KTN1: variants seen among roughly 807,000 people sequenced by gnomAD.
KTN1 encodes the protein kinectin 1.
In KTN1, 130 loss-of-function variants were observed where a neutral mutation model predicts 222.5. That is an observed-to-expected ratio of 0.58 (90% CI 0.51 to 0.68). KTN1 has a LOEUF of 0.68. Ranked by LOEUF, KTN1 falls within the 30% of genes least tolerant of loss-of-function variation. The pLI, the probability that KTN1 is intolerant of heterozygous loss-of-function variation, is 0.00. For synonymous variants in KTN1, 512 were observed against 496.3 expected (o/e 1.03, Z -0.42); for missense variants, 1,508 against 1,500.4 (o/e 1.01, Z -0.08).
At chr14:55,623,623 G>C (rs11626238) in intron 5 of KTN1, among the ~76,000 whole-genome samples, 6,542 of 152,256 alleles carry the variant, frequency 0.043, 212 homozygotes, top group Non-Finnish European at 0.066. Flanking sequence ...GTCCTGCCTT[G>C]GCCTCCCAAA....
At chr14:55,646,490 C>CT (rs1348857040) in intron 18 of KTN1, among the ~76,000 whole-genome samples, 24 of 89,262 alleles carry the variant, frequency 2.7e-4, no homozygotes, top group African/African-American at 1.2e-3. Context: ...CTTTCCTTTC[C>CT]TTTCCTTTCC....
intron 21 of KTN1, 127 bp downstream of exon 21, chr14:55,648,997 C>T (rs935210563): frequency 6.1e-6 from 4 of 650,630 alleles, no homozygotes; most frequent in East Asian, 5.6e-5. Flanking sequence ...ACAATCATAA[C>T]TCACCGTAAC....
At chr14:55,663,921 A>G (rs1352390061) in intron 32 of KTN1, 34 bp from the exon 33 acceptor site, 1 of 1,519,776 alleles carries the variant, frequency 6.6e-7, no homozygotes, top group East Asian at 2.3e-5. Context: ...TCAATAATGG[A>G]TAAACTGAAA....
chr14:55,587,631 G>T (rs951145229), intron 1 of KTN1, among the ~76,000 whole-genome samples: 1 of 152,138 alleles, frequency 6.6e-6, no homozygotes, highest in Non-Finnish European at 1.5e-5. Context: ...GGGAAGTCAT[G>T]TTCATTTGAA....
rs746104709 is a variant in KTN1, at chr14:55,630,079, T to G, written c.1203T>G (p.Thr401=). 3 of 1,610,602 alleles carry G rather than the reference T, an allele frequency of 1.9e-6. No individual in the cohort carries two copies. The highest frequency in any genetic ancestry group is 2.5e-6 in the Non-Finnish European group (3 of 1,177,730). The change falls in exon 7 of 44, where the codon ACT becomes ACG. Residue 401 remains threonine (T), a synonymous_variant. Coordinates refer to ENST00000395314, the MANE Select transcript of KTN1 (RefSeq NM_001079521.2). Reference sequence around the variant, plus strand: ...AAATACATGTCAGTTATCAAGAGACTCAACAGATGCAGATGAAGGTATATT... The same window carrying G: ...AAATACATGTCAGTTATCAAGAGACGCAACAGATGCAGATGAAGGTATATT... ...QNKIHVSYQE[T]QQMQMKFQQV...
chr14:55,682,746 A>T (rs958661626), intron 43 of KTN1: 1 of 152,176 alleles, frequency 6.6e-6, no homozygotes, highest in Admixed American at 6.5e-5. Flanking sequence ...AAATCAAGGT[A>T]ATTTGGGTAC....
chr14:55,652,071 T>G, intron 25 of KTN1, 144 bp downstream of exon 25: 19 of 558,978 alleles, frequency 3.4e-5, no homozygotes, highest in Non-Finnish European at 4.1e-5. Context: ...CTAAGGGCCC[T>G]AAGTTTCTTA....
intron 18 of KTN1, among the ~76,000 whole-genome samples, chr14:55,642,682 AT>A (rs756323664): frequency 2.2e-4 from 34 of 152,182 alleles, no homozygotes; most frequent in Non-Finnish European, 3.8e-4. Flanking sequence ...TAAAATTCAC[AT>A]TTATGCAGAT....
intron 29 of KTN1, 55 bp downstream of exon 29, chr14:55,656,187 T>C: frequency 8.0e-7 from 1 of 1,243,580 alleles, no homozygotes; most frequent in Non-Finnish European, 1.1e-6. Flanking sequence ...TTTGCATGCT[T>C]TAAAATAATT....
Position 55,589,348 on chromosome 14 carries a change from G to T in KTN1, c.-31+8994G>T, listed in dbSNP as rs2033654166. ...GCGTCTCGCTCTGTCACCCAGGCTG[G>T]AGTGCAGTGGTACAATCTTGGCTCA... On this transcript the variant is annotated intron_variant, in intron 1 of 43. Coordinates refer to ENST00000395314, the MANE Select transcript of KTN1 (RefSeq NM_001079521.2). Among the ~76,000 whole-genome samples, 3 of 152,082 alleles carry T rather than the reference G, an allele frequency of 2.0e-5. No individual in the cohort carries two copies. The South Asian group carries it at 6.2e-4, about 32-fold the overall frequency.
At chr14:55,673,133 C>G (rs1290233932) in intron 39 of KTN1, 39 bp from the exon 40 acceptor site, 1 of 1,547,128 alleles carries the variant, frequency 6.5e-7, no homozygotes, top group East Asian at 2.3e-5. Flanking sequence ...CATGGGCTAT[C>G]ATAAGGAGAT....
intron 38 of KTN1, 22 bp from the exon 39 acceptor site, chr14:55,672,907 T>A: frequency 6.3e-7 from 1 of 1,591,368 alleles, no homozygotes; most frequent in Non-Finnish European, 8.6e-7. Context: ...GTGTGTTAAC[T>A]TTTCCTTTGT....
intron 1 of KTN1, among the ~76,000 whole-genome samples, chr14:55,587,096 G>A (rs762171399): frequency 2.8e-5 from 4 of 141,176 alleles, no homozygotes; most frequent in Non-Finnish European, 6.3e-5. Flanking sequence ...AATAATGTGA[G>A]GCAGGGACTG....
At chr14:55,672,424 C>A in intron 37 of KTN1, 1 of 461,272 alleles carries the variant, frequency 2.2e-6, no homozygotes, top group Non-Finnish European at 3.8e-6. Context: ...TTAGCCGAGC[C>A]TAATATACAA....
intron 29 of KTN1, 150 bp from the exon 30 acceptor site, chr14:55,658,396 T>C (rs1393712844): frequency 6.7e-6 from 4 of 595,632 alleles, no homozygotes; most frequent in Non-Finnish European, 1.2e-5. Flanking sequence ...AATTTCATCA[T>C]ATGTTTTAAT....
intron 5 of KTN1, among the ~76,000 whole-genome samples, chr14:55,626,748 CT>C (rs1450092099): frequency 2.0e-5 from 3 of 152,242 alleles, no homozygotes; most frequent in Non-Finnish European, 4.4e-5. Context: ...TTAGCCTTTG[CT>C]GCTTTTCAGA....
At chr14:55,599,234 A>T (rs944026425) in intron 1 of KTN1, among the ~76,000 whole-genome samples, 8 of 151,806 alleles carry the variant, frequency 5.3e-5, no homozygotes, top group Non-Finnish European at 1.2e-4. Flanking sequence ...CATGGCTGAA[A>T]TTTTTGTTTT....
rs137964512 is a variant in KTN1 at position 55,617,996 on chromosome 14, A to G, written c.694A>G (p.Thr232Ala). The G allele has an allele frequency of 5.0e-3, 8,079 of 1,604,608 alleles. 25 individuals carry two copies. Among genetic ancestry groups the G allele is most frequent in the Middle Eastern group, 0.011 (65 of 6,018 alleles). ...FVDEPLIHAT[T>A]YIPLMDNADS... ...AGATGAACCCCTTATTCATGCAACT[A>G]CTTATATTCCTTTGATGGATAATGC... Residue 232 changes from threonine (T) to alanine (A), a missense_variant, in exon 4 of 44, where the codon ACT becomes GCT. Transcript: ENST00000395314.
intron 7 of KTN1, among the ~76,000 whole-genome samples, chr14:55,631,099 G>T (rs2040450596): frequency 6.7e-6 from 1 of 150,014 alleles, no homozygotes; most frequent in Admixed American, 6.7e-5. Context: ...CTAGACCAGT[G>T]AATTTTTTTT....
Sources: gnomAD v4.1 joint callset for allele counts (sites outside exome capture counted in the v4.1 genomes callset) on GRCh38, gnomAD v4.1.1 for gene constraint, MANE v1.5 for transcripts, NCBI Gene and HGNC (gene_info 2026-07-23, HGNC 2026-07-21) for gene names.